The following PC variants were observed in gnomAD, a reference collection of about 807,000 sequenced individuals.
The protein encoded by PC is pyruvate carboxylase, also known as pyruvate carboxylase, mitochondrial.
A neutral mutation model predicts 107.8 loss-of-function variants in PC; 46 were observed. The observed-to-expected ratio is 0.43, with a 90% CI of 0.34 to 0.55. PC has a LOEUF of 0.55. PC is among the 20% of genes least tolerant of loss of function. The pLI is 0.04. For missense variants in PC, 1,241 were observed against 1,643.1 expected (o/e 0.76, Z 4.23); for synonymous variants, 662 against 684.7 (o/e 0.97, Z 0.52).
intron 3 of PC, among the ~76,000 whole-genome samples, chr11:66,907,638 A>C (rs1948206752): frequency 1.3e-5 from 2 of 152,136 alleles, no homozygotes; most frequent in Non-Finnish European, 2.9e-5. Context: ...TTGAGAAATG[A>C]TCTAGTCCAA....
At chr11:66,899,735 T>C (rs1947882540) in intron 3 of PC, among the ~76,000 whole-genome samples, 1 of 152,252 alleles carries the variant, frequency 6.6e-6, no homozygotes. Context: ...TTCTTGATAG[T>C]GTTCTTTGAT....
intron 3 of PC, among the ~76,000 whole-genome samples, chr11:66,940,294 G>C (rs1371530626): frequency 1.3e-5 from 2 of 150,140 alleles, no homozygotes; most frequent in East Asian, 4.0e-4. Context: ...GACTTCTCAT[G>C]CTCAAGTGAT....
At chr11:66,891,519 G>A (rs745806764) in intron 3 of PC, among the ~76,000 whole-genome samples, 16 of 151,854 alleles carry the variant, frequency 1.1e-4, no homozygotes, top group Non-Finnish European at 2.4e-4. Flanking sequence ...TCAGCCTCCC[G>A]AGTAGCTGGG....
chr11:66,949,051 G>C (rs761606918), intron 3 of PC, among the ~76,000 whole-genome samples: 3 of 151,222 alleles, frequency 2.0e-5, no homozygotes, highest in Non-Finnish European at 4.4e-5. Context: ...GGAGTGCAGT[G>C]GCATAATCTC....
chr11:66,952,645 G>A (rs989486215), intron 2 of PC, among the ~76,000 whole-genome samples, 177 bp from the exon 3 acceptor site: 4 of 152,188 alleles, frequency 2.6e-5, no homozygotes, highest in African/African-American at 2.4e-5. Flanking sequence ...GGATTCAAGC[G>A]ATTCTCCTGC....
intron 10 of PC, among the ~76,000 whole-genome samples, chr11:66,867,212 C>G (rs375157081): frequency 6.6e-6 from 1 of 152,254 alleles, no homozygotes; most frequent in East Asian, 1.9e-4. Context: ...ATGGTGAAAC[C>G]CTGTCTCTAC....
intron 3 of PC, among the ~76,000 whole-genome samples, chr11:66,943,845 G>A (rs867924786): frequency 3.3e-5 from 5 of 149,970 alleles, no homozygotes; most frequent in East Asian, 2.0e-4. Context: ...TTAGCCGGGC[G>A]TCGTGGCAGG....
intron 3 of PC, among the ~76,000 whole-genome samples, chr11:66,943,094 T>C (rs1565302533): frequency 6.6e-6 from 1 of 152,132 alleles, no homozygotes; most frequent in Non-Finnish European, 1.5e-5. Context: ...AATTCACATG[T>C]TCAACCTAAC....
At chr11:66,946,416 G>A (rs1949293218) in intron 3 of PC, among the ~76,000 whole-genome samples, 1 of 151,988 alleles carries the variant, frequency 6.6e-6, no homozygotes, top group Admixed American at 6.6e-5. Flanking sequence ...AGATCACAAG[G>A]TCGGGAGTTC....
rs943843091 is a variant in PC at position 66,852,346 on chromosome 11, G to A, written c.1825+93C>T. On this transcript the variant is annotated intron_variant, in intron 15 of 22. Coordinates refer to ENST00000393960, the MANE Select transcript of PC (RefSeq NM_001040716.2). This position sits in a 1 kb window ranked among gnomAD's most constrained non-coding sequence, Gnocchi z 4.7. Reference sequence around the variant, plus strand: ...CCTCTTTGGTGTTCTTCGTGTCAGCGTCTCTAGCTTGTCCCCAGTGGCCTA... The same window carrying A: ...CCTCTTTGGTGTTCTTCGTGTCAGCATCTCTAGCTTGTCCCCAGTGGCCTA... 8.6e-6 allele frequency: 9 copies of A among 1,041,218 alleles called. No individual in the cohort carries two copies. Among genetic ancestry groups the A allele is most frequent in the South Asian group, 2.5e-5 (2 of 78,442 alleles). The allele number at this position is 1,041,218 out of a possible 1,614,324, so 64.5% of individuals were successfully genotyped here. A position where few individuals can be genotyped will look rare whatever the true frequency, so the allele number is the denominator to read the frequency against.
At chr11:66,934,753 TC>T (rs1245124674) in intron 3 of PC, among the ~76,000 whole-genome samples, 4 of 152,128 alleles carry the variant, frequency 2.6e-5, no homozygotes, top group Non-Finnish European at 5.9e-5. Context: ...TACCTCAGCC[TC>T]CCACCACACC....
intron 3 of PC, among the ~76,000 whole-genome samples, chr11:66,931,842 C>T (rs1285255584): frequency 6.6e-6 from 1 of 151,548 alleles, no homozygotes; most frequent in Non-Finnish European, 1.5e-5. Context: ...ACGGTGAAAC[C>T]CCATCTCTAC....
Position 66,858,250 on chromosome 11 carries a change from C to T in PC, c.1369-4867G>A. 1 of 1,612,514 alleles carries T rather than the reference C, an allele frequency of 6.2e-7. No individual in the cohort carries two copies. The highest frequency in any genetic ancestry group is 8.5e-7 in the Non-Finnish European group (1 of 1,179,950). On this transcript the variant is annotated intron_variant, in intron 12 of 22. Transcript: ENST00000393960. This position sits in a 1 kb window ranked among gnomAD's most constrained non-coding sequence, Gnocchi z 5.9. ...CCCTGGGCCGGCATCGGCGCCATGC[C>T]TGCCCTGCACACCCTCAACCTGGAC...
intron 3 of PC, among the ~76,000 whole-genome samples, chr11:66,889,177 G>T (rs900315732): frequency 8.5e-5 from 13 of 152,072 alleles, no homozygotes; most frequent in African/African-American, 2.7e-4. Context: ...CATGTGTGGG[G>T]CAGGGTTTGA....
At chr11:66,855,414 ATGCGATTCTCG>A (rs1476338528) in intron 12 of PC, among the ~76,000 whole-genome samples, 1 of 152,170 alleles carries the variant, frequency 6.6e-6, no homozygotes, top group Non-Finnish European at 1.5e-5. Context: ...TCCCTGGTTA[ATGCGATTCTCG>A]TGCCTCATCC....
Position 66,851,105 on chromosome 11 carries a change from G to A in PC, c.2158C>T (p.Leu720=). Residue 720 remains leucine, a synonymous_variant, in exon 17 of 23, where the codon CTG becomes TTG. Coordinates refer to ENST00000393960, the MANE Select transcript of PC (RefSeq NM_001040716.2). The part of the protein sequence containing the change: ...VADPSRTKYS[L]QYYMGLAEEL... ...TCGGCCAAGCCCATGTAGTACTGCAGTGAGTACTTGGTGCGGCTGGGGTCG... is the reference window on the plus strand; with the variant it reads ...TCGGCCAAGCCCATGTAGTACTGCAATGAGTACTTGGTGCGGCTGGGGTCG... The A allele has an allele frequency of 6.2e-7, 1 of 1,613,294 alleles. No individual in the cohort carries two copies. The highest frequency in any genetic ancestry group is 8.5e-7 in the Non-Finnish European group (1 of 1,179,966).
rs1404669810 is a variant in PC, at chr11:66,848,678, A to G, written c.*221T>C. 1 of 637,154 alleles carries G rather than the reference A, an allele frequency of 1.6e-6. No individual in the cohort carries two copies. The highest frequency in any genetic ancestry group is 1.8e-5 in the African/African-American group (1 of 54,818). 39.5% of individuals were successfully genotyped at this position (637,154 alleles called of 1,614,324 possible). A position where few individuals can be genotyped will look rare whatever the true frequency, so the allele number is the denominator to read the frequency against. On this transcript the variant is annotated 3_prime_UTR_variant, in exon 23 of 23. Coordinates refer to ENST00000393960, the MANE Select transcript of PC (RefSeq NM_001040716.2). ...AGTCTCCAGTGAGGAGGGGACCCTT[A>G]TTTGGCAAGAGATGAACATGTAAGC...
intron 3 of PC, among the ~76,000 whole-genome samples, chr11:66,916,781 C>T (rs1332543888): frequency 4.0e-5 from 6 of 151,774 alleles, no homozygotes; most frequent in East Asian, 2.0e-4. Context: ...GGTGAAACCC[C>T]GTCTCTACTA....
intron 3 of PC, among the ~76,000 whole-genome samples, chr11:66,886,679 C>T (rs1216385510): frequency 6.6e-6 from 1 of 152,126 alleles, no homozygotes; most frequent in African/African-American, 2.4e-5. Flanking sequence ...AAGGGTGGCC[C>T]TGGGTTTTAA....
Sources: gnomAD v4.1 joint callset for allele counts (sites outside exome capture counted in the v4.1 genomes callset) on GRCh38, gnomAD v4.1.1 for gene constraint, Gnocchi (gnomAD v3.1) non-coding constraint, MANE v1.5 for transcripts, NCBI Gene and HGNC (gene_info 2026-07-23, HGNC 2026-07-21) for gene names.